Variants in EVI5 observed in about 807,000 individuals in gnomAD.
EVI5 encodes the protein ecotropic viral integration site 5.
A neutral mutation model predicts 112.0 loss-of-function variants in EVI5; 73 were observed. That is an observed-to-expected ratio of 0.65 (90% CI 0.54 to 0.79). EVI5 has a LOEUF of 0.79. EVI5 is among the 30% of genes least tolerant of loss of function. The pLI is 0.00. For missense variants in EVI5, 900 were observed against 968.8 expected, an observed-to-expected ratio of 0.93 and a Z score of 0.94; for synonymous variants, 305 against 319.9, an observed-to-expected ratio of 0.95 and a Z score of 0.50.
chr1:92,550,813 T>TATATATATATA (rs1346523555), intron 19 of EVI5, among the ~76,000 whole-genome samples: 2 of 80,120 alleles, frequency 2.5e-5, no homozygotes, highest in South Asian at 4.1e-4. Context: ...TATATATATA[T>TATATATATATA]AACAAAAAAA....
In EVI5 at chr1:92,582,499, A is replaced by T. The variant is rs145481820; in HGVS notation, c.2071-18762T>A. ...GTCATGGGAAGATTAGGGAGCACAG[A>T]ATTGCAATCATAAAAAAGAGCACAA... On this transcript the variant is annotated intron_variant, in intron 18 of 19. Transcript: ENST00000684568. Among the ~76,000 whole-genome samples, 177 of 152,276 alleles carry T rather than the reference A, an allele frequency of 1.2e-3. 1 individual carries two copies. The highest frequency in any genetic ancestry group is 4.1e-3 in the African/African-American group (172 of 41,550).
chr1:92,580,225 T>A (rs1320675401), intron 18 of EVI5, among the ~76,000 whole-genome samples: 2 of 152,314 alleles, frequency 1.3e-5, no homozygotes, highest in East Asian at 3.9e-4. Flanking sequence ...TTCTTTCCTG[T>A]TTAATCCAAA....
In EVI5 at chr1:92,665,958, C is replaced by T. The variant is rs758545455; in HGVS notation, c.1193G>A (p.Arg398His). ...LRTENRLLKQRIETLEKESAS... is the reference protein window; with the variant it reads ...LRTENRLLKQHIETLEKESAS... ...ACTTACTTTTTCTAATGTCTCGATG[C>T]GCTGTTTTAAAAGTCTATTTTCTGT... Residue 398 changes from arginine to histidine, a missense_variant, in exon 11 of 20, where the codon CGC becomes CAC. Coordinates refer to ENST00000684568, the MANE Select transcript of EVI5 (RefSeq NM_001350197.2). 1.7e-5 allele frequency: 27 copies of T among 1,606,684 alleles called. No homozygotes were observed. In the South Asian group the frequency reaches 1.8e-4, roughly 11 times the overall value.
chr1:92,622,649 TTTTA>T (rs1214103945), intron 16 of EVI5, among the ~76,000 whole-genome samples: 2 of 152,196 alleles, frequency 1.3e-5, no homozygotes, highest in African/African-American at 2.4e-5. Flanking sequence ...CCTATACTAT[TTTTA>T]TTTATTTATT....
chr1:92,782,999 T>C (rs1432578990), intron 1 of EVI5, among the ~76,000 whole-genome samples: 5 of 152,032 alleles, frequency 3.3e-5, no homozygotes, highest in Non-Finnish European at 1.5e-5. Context: ...TTTGTATTTT[T>C]AGTAGAAAAT....
At chr1:92,677,955 G>A (rs1667006141) in intron 9 of EVI5, among the ~76,000 whole-genome samples, 1 of 152,120 alleles carries the variant, frequency 6.6e-6, no homozygotes, top group South Asian at 2.1e-4. Flanking sequence ...CACAGGAACA[G>A]AAAACCAAAA....
chr1:92,577,171 A>G (rs759959768), intron 18 of EVI5, among the ~76,000 whole-genome samples: 7 of 152,168 alleles, frequency 4.6e-5, no homozygotes, highest in Non-Finnish European at 8.8e-5. Flanking sequence ...AAGGGCCCCA[A>G]TATAATTCCC....
chr1:92,679,065 C>T (rs1163333578), intron 9 of EVI5, among the ~76,000 whole-genome samples: 1 of 152,178 alleles, frequency 6.6e-6, no homozygotes, highest in African/African-American at 2.4e-5. Context: ...GGCAAGTGAA[C>T]ATCACTGCCT....
At chr1:92,665,870 T>A in intron 11 of EVI5, 69 bp downstream of exon 11, 1 of 1,146,868 alleles carries the variant, frequency 8.7e-7, no homozygotes, top group African/African-American at 1.6e-5. Context: ...TTTTTGAGGA[T>A]TTTTAATAAA....
intron 1 of EVI5, chr1:92,749,241 G>C: frequency 2.9e-6 from 1 of 349,290 alleles, no homozygotes; most frequent in South Asian, 2.3e-5. Context: ...GTTGCTTCCT[G>C]GGTGTTTTAC....
chr1:92,785,267 C>T (rs1685494587), upstream of EVI5, among the ~76,000 whole-genome samples: 2 of 152,244 alleles, frequency 1.3e-5, no homozygotes, highest in South Asian at 4.1e-4. Context: ...CGCCCTCCGC[C>T]TCTCTTTCAA....
In EVI5 at chr1:92,515,984, T is replaced by G. The variant is rs554089990; in HGVS notation, c.2167-2014A>C. On this transcript the variant is annotated intron_variant, in intron 19 of 19. Transcript: ENST00000684568. ...CGTAATTTAAATAATACCATTCTCC[T>G]TGGCAGAACAGAGGGATCTATACTT... Among the ~76,000 whole-genome samples the G allele has an allele frequency of 3.3e-5, 5 of 152,292 alleles. No individual in the cohort carries two copies. The South Asian group carries it at 1.0e-3, about 32-fold the overall frequency.
At chr1:92,678,292 G>A (rs948297585) in intron 9 of EVI5, among the ~76,000 whole-genome samples, 11 of 152,074 alleles carry the variant, frequency 7.2e-5, no homozygotes, top group African/African-American at 9.7e-5. Flanking sequence ...GCACTTTGGG[G>A]GGCCAAGGGG....
intron 19 of EVI5, among the ~76,000 whole-genome samples, chr1:92,516,453 C>G (rs78810112): frequency 6.6e-6 from 1 of 152,016 alleles, no homozygotes; most frequent in African/African-American, 2.4e-5. Context: ...GAATAGCAAA[C>G]GTAAAGGAAT....
At chr1:92,601,455 T>G (rs1649154142) in intron 18 of EVI5, among the ~76,000 whole-genome samples, 1 of 152,220 alleles carries the variant, frequency 6.6e-6, no homozygotes, top group African/African-American at 2.4e-5. Flanking sequence ...GCAACCAACC[T>G]AAATGTCCAT....
chr1:92,577,989 T>C (rs1671340656), intron 18 of EVI5, among the ~76,000 whole-genome samples: 1 of 152,218 alleles, frequency 6.6e-6, no homozygotes. Context: ...CTTTTGTCTT[T>C]TCCCTGTAAG....
Position 92,568,813 on chromosome 1 carries a change from T to A in EVI5, c.2071-5076A>T, listed in dbSNP as rs2100968514. Among the ~76,000 whole-genome samples, 4 of 152,384 alleles carry A rather than the reference T, an allele frequency of 2.6e-5. No homozygotes were observed. In the South Asian group the frequency reaches 8.3e-4, roughly 32 times the overall value. On this transcript the variant is annotated intron_variant, in intron 18 of 19. Transcript: ENST00000684568. ...TATTTTCTCTTCCTTATGATTTTCTTAATAACATTTTCTTTTTTCTAGCTT... is the reference window on the plus strand; with the variant it reads ...TATTTTCTCTTCCTTATGATTTTCTAAATAACATTTTCTTTTTTCTAGCTT...
intron 2 of EVI5, among the ~76,000 whole-genome samples, chr1:92,705,333 A>C (rs962354620): frequency 6.6e-6 from 1 of 152,234 alleles, no homozygotes; most frequent in African/African-American, 2.4e-5. Flanking sequence ...GCTTATATGC[A>C]TTTATACTTT....
chr1:92,581,838 C>T (rs1671983341), intron 18 of EVI5, among the ~76,000 whole-genome samples: 1 of 152,158 alleles, frequency 6.6e-6, no homozygotes, highest in African/African-American at 2.4e-5. Context: ...CTGCTACCTG[C>T]TCTTATGGCA....
Sources: gnomAD v4.1 joint callset for allele counts (sites outside exome capture counted in the v4.1 genomes callset) on GRCh38, gnomAD v4.1.1 for gene constraint, MANE v1.5 for transcripts, NCBI Gene and HGNC (gene_info 2026-07-23, HGNC 2026-07-21) for gene names.